CDC42EP3: variants seen among roughly 807,000 people sequenced by gnomAD.
CDC42EP3 encodes the protein CDC42 effector protein (Rho GTPase binding) 3.
A neutral mutation model predicts 15.5 loss-of-function variants in CDC42EP3; 4 were observed. That is an observed-to-expected ratio of 0.26 (90% CI 0.13 to 0.59). CDC42EP3 has a LOEUF of 0.59. CDC42EP3 is among the 20% of genes least tolerant of loss of function. CDC42EP3 has a pLI of 0.89. For synonymous variants in CDC42EP3, 145 were observed against 130.3 expected (o/e 1.11, Z -0.77); for missense variants, 309 against 311.2 (o/e 0.99, Z 0.05).
intron 1 of CDC42EP3, among the ~76,000 whole-genome samples, chr2:37,664,980 G>A (rs1374363434): frequency 6.6e-6 from 1 of 152,074 alleles, no homozygotes; most frequent in Non-Finnish European, 1.5e-5. Flanking sequence ...GTACCTAGGT[G>A]ATGAAATGAT....
At position 37,651,133 on chromosome 2, in the gene CDC42EP3, GA is replaced by G. The variant is rs1417900370; in HGVS notation, c.-235-4312del. 3.3e-5 allele frequency among the ~76,000 whole-genome samples: 5 copies of G among 150,012 alleles called. No homozygotes were observed. In the South Asian group the frequency reaches 6.3e-4, roughly 19 times the overall value. The stretch of plus-strand genomic sequence containing the variant: ...AGCCCAAAGATGTACATCATCAAAG[GA>G]AAAAAAAAGAGGTGCAAATGCGTGT... On this transcript the variant is annotated intron_variant, in intron 1 of 1. Transcript: ENST00000295324.
At chr2:37,671,367 G>GGGC (rs1042234461) in intron 1 of CDC42EP3, 59 bp downstream of exon 1, 1 of 152,362 alleles carries the variant, frequency 6.6e-6, no homozygotes, top group Non-Finnish European at 1.5e-5. Context: ...CCACGGCCGC[G>GGGC]GGCGGGACAG....
chr2:37,652,122 C>T (rs1396226576), intron 1 of CDC42EP3, among the ~76,000 whole-genome samples: 5 of 130,578 alleles, frequency 3.8e-5, no homozygotes, highest in African/African-American at 1.2e-4. Flanking sequence ...TTGCAGTGAG[C>T]CAAGATCGTG....
At chr2:37,661,110 A>AGTGTGTGTGTGTGTGT (rs34074254) in intron 1 of CDC42EP3, among the ~76,000 whole-genome samples, 16 of 141,470 alleles carry the variant, frequency 1.1e-4, no homozygotes, top group African/African-American at 4.0e-4. Context: ...GTGTGTGTAC[A>AGTGTGTGTGTGTGTGT]GTGTGTGTGT....
intron 1 of CDC42EP3, among the ~76,000 whole-genome samples, chr2:37,654,689 A>C (rs1009693149): frequency 6.6e-6 from 1 of 152,178 alleles, no homozygotes; most frequent in Non-Finnish European, 1.5e-5. Flanking sequence ...GATCACTGCC[A>C]ATTTCCTTGT....
At chr2:37,669,118 A>G (rs570043159) in intron 1 of CDC42EP3, among the ~76,000 whole-genome samples, 3 of 152,218 alleles carry the variant, frequency 2.0e-5, no homozygotes, top group Admixed American at 2.0e-4. Context: ...AATAATAATA[A>G]TAATACGATC....
intron 1 of CDC42EP3, among the ~76,000 whole-genome samples, chr2:37,648,871 G>A (rs1191000065): frequency 6.6e-6 from 1 of 151,916 alleles, no homozygotes; most frequent in African/African-American, 2.4e-5. Context: ...CAGTGTGGCT[G>A]ACTGCCTGCA....
At position 37,651,946 on chromosome 2, in the gene CDC42EP3, C is replaced by T. The variant is rs140951990; in HGVS notation, c.-235-5124G>A. 7.4e-3 allele frequency among the ~76,000 whole-genome samples: 1,122 copies of T among 151,972 alleles called. 10 individuals carry two copies. Among genetic ancestry groups the T allele is most frequent in the African/African-American group, 0.026 (1,061 of 41,440 alleles). On this transcript the variant is annotated intron_variant, in intron 1 of 1. Coordinates refer to ENST00000295324, the MANE Select transcript of CDC42EP3 (RefSeq NM_006449.5). ...ATCCCAGCACTTTGGGAGGCCGAGG[C>T]GGGCAGATCACAAGATCAGGAGATA...
At chr2:37,664,729 GTAGTC>G (rs1047242139) in intron 1 of CDC42EP3, among the ~76,000 whole-genome samples, 4 of 152,206 alleles carry the variant, frequency 2.6e-5, no homozygotes, top group African/African-American at 9.7e-5. Context: ...TGAGGAGCCG[GTAGTC>G]TAATTAGGCA....
In CDC42EP3 at chr2:37,654,432, G is replaced by A. The variant is rs1464374372; in HGVS notation, c.-235-7610C>T. ...GGATTCATTTAATTGTAATGAAAAG[G>A]AATTAACTTGTTCTGGGAGGCCCTA... On this transcript the variant is annotated intron_variant, in intron 1 of 1. Transcript: ENST00000295324. Among the ~76,000 whole-genome samples the A allele has an allele frequency of 3.3e-5, 5 of 152,038 alleles. No homozygotes were observed. The East Asian group carries it at 5.8e-4, about 18-fold the overall frequency.
intron 1 of CDC42EP3, among the ~76,000 whole-genome samples, chr2:37,671,189 A>C (rs1666406527): frequency 1.3e-5 from 2 of 152,254 alleles, no homozygotes; most frequent in Non-Finnish European, 2.9e-5. Context: ...CCTGAAAAGT[A>C]GTGGGCACAA....
At chr2:37,650,038 C>G (rs983117719) in intron 1 of CDC42EP3, among the ~76,000 whole-genome samples, 1 of 136,634 alleles carries the variant, frequency 7.3e-6, no homozygotes, top group African/African-American at 3.2e-5. Context: ...TAACAGCTCC[C>G]AAATACCCTG....
upstream of CDC42EP3, chr2:37,672,025 C>T (rs1307860181): frequency 6.6e-6 from 1 of 152,222 alleles, no homozygotes; most frequent in African/African-American, 2.4e-5. Flanking sequence ...ACTCCGCCCG[C>T]ACCCCGGACT....
At chr2:37,671,823 G>GGTA (rs1558346273), upstream of CDC42EP3, 1 of 142,916 alleles carries the variant, frequency 7.0e-6, no homozygotes, top group Non-Finnish European at 1.6e-5. Flanking sequence ...GCGCGCGCGG[G>GGTA]GGGGGGTCAC....
intron 1 of CDC42EP3, among the ~76,000 whole-genome samples, chr2:37,663,585 C>G (rs539038937): frequency 1.3e-5 from 2 of 152,294 alleles, no homozygotes; most frequent in South Asian, 4.1e-4. Flanking sequence ...TTCCACAGGG[C>G]CCGCAGATGA....
At chr2:37,660,218 C>T (rs111402069) in intron 1 of CDC42EP3, among the ~76,000 whole-genome samples, 348 of 152,286 alleles carry the variant, frequency 2.3e-3, no homozygotes, top group African/African-American at 7.7e-3. Context: ...CCTTAAATTT[C>T]GCCTGTACCA....
At position 37,646,550 on chromosome 2, in the gene CDC42EP3, T is replaced by C. The variant is rs1276046967; in HGVS notation, c.38A>G (p.Asn13Ser). The C allele has an allele frequency of 3.2e-6, 5 of 1,558,404 alleles. 1 individual carries two copies. In the South Asian group the frequency reaches 4.8e-5, roughly 15 times the overall value. ...TTTAAATTTCTTTCCTTTCTTGTTA[T>C]TGGCTGCTTTCAGGTAAATTGGGGT... ...AKTPIYLKAANNKKGKKFKLR... is the reference protein window; with the variant it reads ...AKTPIYLKAASNKKGKKFKLR... The change falls in exon 2 of 2, where the codon AAT becomes AGT. Residue 13 changes from asparagine (N) to serine (S), a missense_variant. Physicochemically the swap from Asn to Ser is conservative, Grantham distance 46. Transcript: ENST00000295324.
intron 1 of CDC42EP3, among the ~76,000 whole-genome samples, chr2:37,662,870 GA>G (rs1326532044): frequency 6.6e-6 from 1 of 152,214 alleles, no homozygotes; most frequent in Non-Finnish European, 1.5e-5. Context: ...GCCAGCTTTA[GA>G]AAGCCTTTCA....
Position 37,643,281 on chromosome 2 carries a change from C to A in CDC42EP3, c.*2542G>T, listed in dbSNP as rs1006920840. 2 of 152,238 alleles carry A rather than the reference C, an allele frequency of 1.3e-5. No homozygotes were observed. Among genetic ancestry groups the A allele is most frequent in the Non-Finnish European group, 2.9e-5 (2 of 68,052 alleles). The allele number at this position is 152,238 out of a possible 1,614,324, so 9.4% of individuals were successfully genotyped here. ...TCTCTGCAGGAAAGAAAGCCACCAC[C>A]AGCAGTCCACCTGCTCTCAGGGGAA... On this transcript the variant is annotated 3_prime_UTR_variant, in exon 2 of 2. Coordinates refer to ENST00000295324, the MANE Select transcript of CDC42EP3 (RefSeq NM_006449.5).
Sources: allele counts gnomAD v4.1 joint callset (sites outside exome capture counted in the v4.1 genomes callset), GRCh38; gene constraint gnomAD v4.1.1; transcripts MANE v1.5; gene names NCBI Gene and HGNC (gene_info 2026-07-23, HGNC 2026-07-21).